PDIA6: variants seen among roughly 807,000 people sequenced by gnomAD.
PDIA6 encodes protein disulfide-isomerase A6.
Under a neutral mutation model 58.4 loss-of-function variants are expected in PDIA6, and 29 were observed. That is an observed-to-expected ratio of 0.50 (90% CI 0.37 to 0.68). The LOEUF is 0.68. Ranked by LOEUF, PDIA6 falls within the 30% of genes least tolerant of loss-of-function variation. The pLI, the probability that PDIA6 is intolerant of heterozygous loss-of-function variation, is 0.00. For missense variants in PDIA6, 480 were observed against 551.0 expected, an observed-to-expected ratio of 0.87 and a Z score of 1.29; for synonymous variants, 192 against 202.6, an observed-to-expected ratio of 0.95 and a Z score of 0.44.
chr2:10,807,229 G>A lies in PDIA6; in HGVS notation c.20-4589C>T, dbSNP rs563729793. Among the ~76,000 whole-genome samples, 18 of 152,242 alleles carry A rather than the reference G, an allele frequency of 1.2e-4. No individual in the cohort carries two copies. The East Asian group carries it at 3.1e-3, about 26-fold the overall frequency. On this transcript the variant is annotated intron_variant, in intron 1 of 12. Coordinates refer to ENST00000272227, the MANE Select transcript of PDIA6 (RefSeq NM_005742.4). Reference sequence around the variant, plus strand: ...AAATACACTTTTTAATTTTTTTTGAGAGAGGGTCTTGATCTGTCACCCAGA... The same window carrying A: ...AAATACACTTTTTAATTTTTTTTGAAAGAGGGTCTTGATCTGTCACCCAGA...
intron 2 of PDIA6, among the ~76,000 whole-genome samples, chr2:10,818,469 C>T (rs1667270754): frequency 6.7e-6 from 1 of 148,362 alleles, no homozygotes; most frequent in African/African-American, 2.5e-5. Flanking sequence ...GCCCAGCTCA[C>T]TTTAACCATT....
At chr2:10,823,858 C>T (rs1379160211) in intron 1 of PDIA6, among the ~76,000 whole-genome samples, 2 of 150,290 alleles carry the variant, frequency 1.3e-5, no homozygotes, top group East Asian at 4.1e-4. Context: ...GTTATACTCC[C>T]TCCCTGGGGG....
At chr2:10,786,769 T>C (rs551088346) in intron 11 of PDIA6, among the ~76,000 whole-genome samples, 1 of 152,366 alleles carries the variant, frequency 6.6e-6, no homozygotes, top group East Asian at 1.9e-4. Context: ...TTAGGTGAGC[T>C]GAATAGCAGA....
At chr2:10,822,132 T>C (rs1451317892) in intron 1 of PDIA6, among the ~76,000 whole-genome samples, 1 of 149,738 alleles carries the variant, frequency 6.7e-6, no homozygotes, top group African/African-American at 2.5e-5. Flanking sequence ...AGAGATGGGG[T>C]TTCACCATGT....
intron 1 of PDIA6, among the ~76,000 whole-genome samples, chr2:10,824,606 T>A (rs1410483022): frequency 6.6e-6 from 1 of 152,220 alleles, no homozygotes; most frequent in Admixed American, 6.5e-5. Context: ...TGGCATTTGC[T>A]TGGGCAGAAG....
At chr2:10,800,637 G>A (rs1666469093) in intron 2 of PDIA6, among the ~76,000 whole-genome samples, 1 of 143,450 alleles carries the variant, frequency 7.0e-6, no homozygotes, top group African/African-American at 2.6e-5. Flanking sequence ...GGCTCTCACT[G>A]TTGCCCAGGC....
chr2:10,797,049 A>G (rs755420540), intron 4 of PDIA6, 32 bp downstream of exon 4: 10 of 1,603,686 alleles, frequency 6.2e-6, no homozygotes, highest in Non-Finnish European at 8.5e-6. Flanking sequence ...CTTGTCTACC[A>G]GGGGAATGAA....
chr2:10,826,652 G>T (rs1174021056), intron 1 of PDIA6, among the ~76,000 whole-genome samples: 2 of 152,086 alleles, frequency 1.3e-5, no homozygotes, highest in African/African-American at 2.4e-5. Context: ...GAGCCGCTGT[G>T]CCAGGTCGAA....
In PDIA6 at chr2:10,812,591, C is replaced by T. The variant is rs970248182; in HGVS notation, c.19+87G>A. ...AGGCCCACTTCCGGCCGCCTGCGGC[C>T]GCGGCCCGCCGGGGAACGGCCTAGA... On this transcript the variant is annotated intron_variant, in intron 1 of 12. Transcript: ENST00000272227. 1.7e-4 allele frequency: 228 copies of T among 1,335,074 alleles called. 1 individual carries two copies. Among genetic ancestry groups the T allele is most frequent in the Non-Finnish European group, 2.1e-4 (210 of 1,014,308 alleles). The allele number at this position is 1,335,074 out of a possible 1,614,324, so 82.7% of individuals were successfully genotyped here. A position where few individuals can be genotyped will look rare whatever the true frequency, so the allele number is the denominator to read the frequency against.
intron 11 of PDIA6, 105 bp from the exon 12 acceptor site, chr2:10,785,135 G>A: frequency 1.3e-6 from 1 of 762,330 alleles, no homozygotes; most frequent in Middle Eastern, 2.3e-4. Context: ...TGTTTATGCA[G>A]AGGCATTTCT....
chr2:10,814,693 A>G (rs1416154408), upstream of PDIA6, among the ~76,000 whole-genome samples: 1 of 152,220 alleles, frequency 6.6e-6, no homozygotes, highest in Non-Finnish European at 1.5e-5. Flanking sequence ...TCTTACCAGA[A>G]GAGGGCCCCT....
chr2:10,829,195 C>T (rs777854703), intron 1 of PDIA6, among the ~76,000 whole-genome samples: 1 of 152,132 alleles, frequency 6.6e-6, no homozygotes, highest in African/African-American at 2.4e-5. Context: ...TGTGTCATGC[C>T]CACCTCCTCA....
At chr2:10,828,312 A>T (rs1367352993) in intron 1 of PDIA6, among the ~76,000 whole-genome samples, 1 of 152,210 alleles carries the variant, frequency 6.6e-6, no homozygotes, top group African/African-American at 2.4e-5. Context: ...TTTTCAATTA[A>T]AATGTATCAG....
chr2:10,802,368 C>T, intron 2 of PDIA6, 131 bp downstream of exon 2: 2 of 502,716 alleles, frequency 4.0e-6, no homozygotes, highest in Non-Finnish European at 6.5e-6. Flanking sequence ...TTCCCATTTC[C>T]CTCTTCTCTA....
chr2:10,822,086 T>G (rs1266364142), intron 1 of PDIA6, among the ~76,000 whole-genome samples: 1 of 149,688 alleles, frequency 6.7e-6, no homozygotes, highest in Admixed American at 6.7e-5. Flanking sequence ...ACTGCAAGCA[T>G]GCACCACCAT....
At chr2:10,837,393 T>C (rs1260072834), upstream of PDIA6, 1 of 606,808 alleles carries the variant, frequency 1.6e-6, no homozygotes, top group East Asian at 2.8e-5. Context: ...TATGACAAGA[T>C]TAAAAAACAT....
Position 10,783,512 on chromosome 2 carries a change from G to A in PDIA6, c.*746C>T, listed in dbSNP as rs544385606. ...TTACATAAATGCGAACTACCTGTTC[G>A]CATTGGTAACCTGCTGCTGTATTTC... On this transcript the variant is annotated 3_prime_UTR_variant, in exon 13 of 13. Transcript: ENST00000272227. 2.9e-5 allele frequency: 11 copies of A among 379,000 alleles called. No homozygotes were observed. The highest frequency in any genetic ancestry group is 2.3e-4 in the South Asian group (8 of 34,318). 23.5% of individuals were successfully genotyped at this position (379,000 alleles called of 1,614,324 possible).
At chr2:10,832,475 C>A in exon 1 of PDIA6, 1 of 984,476 alleles carries the variant, frequency 1.0e-6, no homozygotes, top group Non-Finnish European at 1.2e-6. Flanking sequence ...TTGCAGCGGG[C>A]ACCCTCGGTT....
intron 2 of PDIA6, among the ~76,000 whole-genome samples, chr2:10,799,761 C>T (rs1039565871): frequency 2.0e-5 from 3 of 152,044 alleles, no homozygotes; most frequent in African/African-American, 7.2e-5. Context: ...TGTCAGAGTT[C>T]ATCCTCTCTT....
Sources: allele counts gnomAD v4.1 joint callset (sites outside exome capture counted in the v4.1 genomes callset), GRCh38; gene constraint gnomAD v4.1.1; transcripts MANE v1.5; gene names NCBI Gene and HGNC (gene_info 2026-07-23, HGNC 2026-07-21).